The following CDC5L variants were observed in gnomAD, a reference collection of about 807,000 sequenced individuals.
CDC5L encodes the protein cell division cycle 5 like, also known as cell division cycle 5-like protein.
CDC5L carries 18 observed loss-of-function variants against 104.1 expected under a neutral mutation model. That is an observed-to-expected ratio of 0.17 (90% CI 0.12 to 0.26). The LOEUF is 0.26. Among genes scored for constraint, CDC5L ranks in the 10% least tolerant of loss-of-function variants. The pLI, the probability that CDC5L is intolerant of heterozygous loss-of-function variation, is 1.00. For missense variants in CDC5L, 673 were observed against 956.9 expected (o/e 0.70, Z 3.91); for synonymous variants, 331 against 322.7 (o/e 1.03, Z -0.28).
intron 14 of CDC5L, among the ~76,000 whole-genome samples, chr6:44,438,665 CT>C (rs749816182): frequency 0.027 from 2,863 of 106,250 alleles, 27 homozygotes; most frequent in Middle Eastern, 0.056. Context: ...GAAGTTTTGT[CT>C]TTTTTTTTTT....
chr6:44,418,441 G>A (rs536010405), intron 8 of CDC5L, among the ~76,000 whole-genome samples: 208 of 152,282 alleles, frequency 1.4e-3, no homozygotes, highest in Non-Finnish European at 1.0e-3. Context: ...ATTGTGAATA[G>A]TGCCACAGTA....
intron 4 of CDC5L, among the ~76,000 whole-genome samples, chr6:44,393,779 C>A (rs1456431467): frequency 6.6e-6 from 1 of 151,978 alleles, no homozygotes. Context: ...ATCCTCCCAT[C>A]TCAGCCTCCT....
rs1561976848 is a variant in CDC5L, at chr6:44,426,503, C to T, written c.1672C>T (p.Pro558Ser). Residue 558 changes from proline (P) to serine (S), a missense_variant, in exon 13 of 16, where the codon CCC becomes TCC. By Grantham distance (74) the Pro-to-Ser change is moderately conservative. This residue lies in a region of CDC5L where 578 missense variants were observed against 737.0 expected (regional missense o/e 0.78). Transcript: ENST00000371477. The part of the protein sequence containing the change: ...PSEVNETILR[P>S]LNVEPPLTDL... The stretch of plus-strand genomic sequence containing the variant: ...TTAGGTAAATGAAACTATTCTAAGA[C>T]CCTTAAATGTAGAACCGCCTTTAAC... 8 of 1,530,970 alleles carry T rather than the reference C, an allele frequency of 5.2e-6. No individual in the cohort carries two copies. The highest frequency in any genetic ancestry group is 1.1e-5 in the South Asian group (1 of 89,236). The allele number at this position is 1,530,970 out of a possible 1,614,324, so 94.8% of individuals were successfully genotyped here.
At chr6:44,400,220 C>T (rs1197527118) in intron 5 of CDC5L, among the ~76,000 whole-genome samples, 2 of 152,122 alleles carry the variant, frequency 1.3e-5, no homozygotes, top group East Asian at 1.9e-4. Context: ...AGGCAGTTTC[C>T]GTTGCTTGCA....
At chr6:44,424,298 A>G in intron 10 of CDC5L, 121 bp from the exon 11 acceptor site, 2 of 832,922 alleles carry the variant, frequency 2.4e-6, no homozygotes, top group Non-Finnish European at 3.7e-6. Context: ...TAGTTATTTT[A>G]AAATGTACAG....
intron 4 of CDC5L, among the ~76,000 whole-genome samples, chr6:44,395,571 T>C (rs1224765692): frequency 6.6e-6 from 1 of 152,236 alleles, no homozygotes; most frequent in Non-Finnish European, 1.5e-5. Flanking sequence ...GTTTCTAAAA[T>C]GTAAAGTTTG....
At chr6:44,430,988 A>G (rs1792658222) in intron 14 of CDC5L, among the ~76,000 whole-genome samples, 1 of 152,162 alleles carries the variant, frequency 6.6e-6, no homozygotes, top group African/African-American at 2.4e-5. Context: ...TTCCTCTTTT[A>G]TGTGATTACC....
intron 8 of CDC5L, among the ~76,000 whole-genome samples, chr6:44,419,092 G>T (rs1792036407): frequency 6.6e-6 from 1 of 152,002 alleles, no homozygotes; most frequent in South Asian, 2.1e-4. Flanking sequence ...GTCCTGAATG[G>T]TATTGCCTAG....
rs1438354905 is a variant in CDC5L at position 44,448,862 on chromosome 6, C to CT, written c.*2152dup. On this transcript the variant is annotated 3_prime_UTR_variant, in exon 16 of 16. Coordinates refer to ENST00000371477, the MANE Select transcript of CDC5L (RefSeq NM_001253.4). The stretch of plus-strand genomic sequence containing the variant: ...ATAGTCTTTATCTGAAAGACAGTGT[C>CT]TCTCTTTTAGTTTTTAAAGAGTTTG... 6.6e-6 allele frequency: 1 copy of CT among 152,088 alleles called. No homozygotes were observed. The highest frequency in any genetic ancestry group is 1.9e-4 in the East Asian group (1 of 5,196). The allele number at this position is 152,088 out of a possible 1,614,324, so 9.4% of individuals were successfully genotyped here.
chr6:44,442,154 A>T (rs1235591691), intron 14 of CDC5L, among the ~76,000 whole-genome samples: 3 of 151,888 alleles, frequency 2.0e-5, no homozygotes, highest in Non-Finnish European at 4.4e-5. Context: ...CCAGAATGGT[A>T]TTGATCTCTT....
intron 6 of CDC5L, among the ~76,000 whole-genome samples, chr6:44,405,493 G>C (rs1368591350): frequency 6.6e-6 from 1 of 152,158 alleles, no homozygotes; most frequent in African/African-American, 2.4e-5. Context: ...CTGTCTTTAG[G>C]CTTCCTAACC....
chr6:44,440,462 C>T (rs1306854663), intron 14 of CDC5L, among the ~76,000 whole-genome samples: 3 of 151,846 alleles, frequency 2.0e-5, no homozygotes, highest in South Asian at 2.1e-4. Flanking sequence ...AGGCTGGTCT[C>T]GAACTCCTGA....
intron 8 of CDC5L, among the ~76,000 whole-genome samples, chr6:44,409,002 A>G (rs1561971620): frequency 6.6e-6 from 1 of 152,178 alleles, no homozygotes; most frequent in Non-Finnish European, 1.5e-5. Context: ...CCGCAGTTCT[A>G]CTTTCTTCCC....
At chr6:44,399,774 C>T (rs140657882) in intron 5 of CDC5L, among the ~76,000 whole-genome samples, 1,790 of 152,242 alleles carry the variant, frequency 0.012, 18 homozygotes, top group Middle Eastern at 0.054. Context: ...CTGCCTCAGC[C>T]TCCTGAGTAG....
At chr6:44,427,170 TA>T (rs771062956) in intron 13 of CDC5L, among the ~76,000 whole-genome samples, 1 of 152,222 alleles carries the variant, frequency 6.6e-6, no homozygotes, top group Non-Finnish European at 1.5e-5. Context: ...TTTTACTGAA[TA>T]TATTCCCCTC....
chr6:44,416,541 C>T (rs528129457), intron 8 of CDC5L, among the ~76,000 whole-genome samples: 1 of 152,362 alleles, frequency 6.6e-6, no homozygotes, highest in African/African-American at 2.4e-5. Context: ...TCACCTCTGT[C>T]ACCTCTGCTT....
At chr6:44,437,711 T>A (rs1416352517) in intron 14 of CDC5L, among the ~76,000 whole-genome samples, 1 of 152,232 alleles carries the variant, frequency 6.6e-6, no homozygotes, top group Admixed American at 6.5e-5. Flanking sequence ...CGTACCTTGA[T>A]GACTAATTAA....
chr6:44,432,655 A>C (rs1314738174), intron 14 of CDC5L, among the ~76,000 whole-genome samples: 1 of 152,254 alleles, frequency 6.6e-6, no homozygotes. Flanking sequence ...GAACCATCTC[A>C]GATTTTATGT....
chr6:44,426,648 G>A lies in CDC5L; in HGVS notation c.1817G>A (p.Gly606Asp). The A allele has an allele frequency of 6.2e-7, 1 of 1,613,096 alleles. No homozygotes were observed. Among genetic ancestry groups the A allele is most frequent in the East Asian group, 2.2e-5 (1 of 44,806 alleles). Reference protein sequence around the residue: ...GNKKGKTVGFGTNNSEHITYL... With the variant: ...GNKKGKTVGFDTNNSEHITYL... ...AAAAAAGGCAAAACTGTAGGGTTTGGTACCAATAATTCAGAGCACATTACC... is the reference window on the plus strand; with the variant it reads ...AAAAAAGGCAAAACTGTAGGGTTTGATACCAATAATTCAGAGCACATTACC... The change falls in exon 13 of 16, where the codon GGT (glycine) becomes GAT (aspartate). Residue 606 changes from glycine (G) to aspartate (D), a missense_variant. Around this residue, in one of 4 missense-constraint regions of CDC5L, gnomAD observed 578 missense variants for 737.0 expected, o/e 0.78. Coordinates refer to ENST00000371477, the MANE Select transcript of CDC5L (RefSeq NM_001253.4).
Sources: gnomAD v4.1 joint callset for allele counts (sites outside exome capture counted in the v4.1 genomes callset) on GRCh38, gnomAD v4.1.1 for gene constraint, gnomAD v4.1.1 regional missense constraint, MANE v1.5 for transcripts, NCBI Gene and HGNC (gene_info 2026-07-23, HGNC 2026-07-21) for gene names.